The following CLHC1 variants were observed in gnomAD, a reference collection of about 807,000 sequenced individuals.
CLHC1 encodes the protein clathrin heavy chain linker domain containing 1.
Under a neutral mutation model 69.5 loss-of-function variants are expected in CLHC1, and 72 were observed. The observed-to-expected ratio is 1.04, with a 90% CI of 0.86 to 1.26. CLHC1 has a LOEUF of 1.26. Among genes scored for constraint, CLHC1 ranks in the 50% most tolerant of loss-of-function variants. CLHC1 has a pLI of 0.00. For missense variants in CLHC1, 790 were observed against 679.3 expected, an observed-to-expected ratio of 1.16 and a Z score of -1.81; for synonymous variants, 223 against 224.3, an observed-to-expected ratio of 0.99 and a Z score of 0.05.
intron 9 of CLHC1, among the ~76,000 whole-genome samples, chr2:55,200,346 A>G (rs1671834964): frequency 1.3e-5 from 2 of 152,004 alleles, no homozygotes; most frequent in East Asian, 1.9e-4. Context: ...CAGGAATGGA[A>G]AAAGATATTC....
chr2:55,184,102 C>CTTTCTTTTT lies in CLHC1; in HGVS notation c.1007-2359_1007-2358insAAAAAGAAA, dbSNP rs1553343084. ...CCTGTTTTCTCTCTTTTCTTTCTTT[C>CTTTCTTTTT]TTTATTTTTTTTTTTTTTTTCGAGA... On this transcript the variant is annotated intron_variant, in intron 9 of 12. Transcript: ENST00000401408. 9.2e-4 allele frequency among the ~76,000 whole-genome samples: 10 copies of CTTTCTTTTT among 10,886 alleles called. 1 individual carries two copies. The highest frequency in any genetic ancestry group is 1.0e-3 in the Non-Finnish European group (6 of 5,790). The allele number at this position is 10,886 out of a possible 152,430, so 7.1% of individuals were successfully genotyped here.
At chr2:55,219,795 T>C (rs933787028) in intron 3 of CLHC1, among the ~76,000 whole-genome samples, 17 of 152,166 alleles carry the variant, frequency 1.1e-4, no homozygotes, top group Non-Finnish European at 2.2e-4. Context: ...ATGGTTTCCA[T>C]TCCACCTCAG....
At chr2:55,179,547 G>A (rs1669716209) in intron 11 of CLHC1, among the ~76,000 whole-genome samples, 1 of 151,950 alleles carries the variant, frequency 6.6e-6, no homozygotes, top group African/African-American at 2.4e-5. Flanking sequence ...CTTTTTCCTG[G>A]AATAATGTGA....
intron 9 of CLHC1, among the ~76,000 whole-genome samples, chr2:55,183,635 G>A (rs910449342): frequency 2.0e-5 from 3 of 152,140 alleles, no homozygotes; most frequent in African/African-American, 7.2e-5. Context: ...TCAACTCTCA[G>A]ATATACTGTA....
At chr2:55,195,556 C>G (rs1019676019) in intron 9 of CLHC1, among the ~76,000 whole-genome samples, 5 of 152,158 alleles carry the variant, frequency 3.3e-5, no homozygotes, top group Non-Finnish European at 5.9e-5. Context: ...AATCCCAGCA[C>G]TTTCGGAGGC....
rs774796312 is a variant in CLHC1, at chr2:55,212,764, T to C, written c.408A>G (p.Gln136=). The C allele has an allele frequency of 1.9e-6, 3 of 1,601,378 alleles. No individual in the cohort carries two copies. Among genetic ancestry groups the C allele is most frequent in the Non-Finnish European group, 2.6e-6 (3 of 1,168,514 alleles). ...IESNSSKIQS[Q]IDHIKQCRAE... is the part of the protein sequence containing the mutation. ...CCCTACACTGCTTGATGTGATCTAT[T>C]TGAGATTGAATCTTCGAGGAATTAC... Residue 136 remains glutamine, a synonymous_variant, in exon 5 of 13, where the codon CAA becomes CAG. Coordinates refer to ENST00000401408, the MANE Select transcript of CLHC1 (RefSeq NM_152385.4).
intron 4 of CLHC1, among the ~76,000 whole-genome samples, chr2:55,216,317 T>C (rs1673504574): frequency 6.6e-6 from 1 of 151,434 alleles, no homozygotes; most frequent in East Asian, 1.9e-4. Context: ...AAATTATCTA[T>C]AAAAATAATT....
intron 12 of CLHC1, 113 bp downstream of exon 12, chr2:55,177,489 T>C (rs1669503036): frequency 1.6e-6 from 1 of 609,338 alleles, no homozygotes; most frequent in South Asian, 3.5e-5. Flanking sequence ...TAAAGTTAAC[T>C]CTTGCTAAGA....
At chr2:55,198,962 C>T (rs899255776) in intron 9 of CLHC1, among the ~76,000 whole-genome samples, 1 of 152,076 alleles carries the variant, frequency 6.6e-6, no homozygotes, top group Non-Finnish European at 1.5e-5. Flanking sequence ...CCCAGACAAA[C>T]AAGCTGAGGG....
At chr2:55,209,889 A>T in intron 5 of CLHC1, 58 bp from the exon 6 acceptor site, 1 of 1,102,564 alleles carries the variant, frequency 9.1e-7, no homozygotes, top group Non-Finnish European at 1.4e-6. Context: ...GCTTGTGCTC[A>T]AAGAGCAAGT....
chr2:55,181,905 C>T (rs1669974657), intron 9 of CLHC1, among the ~76,000 whole-genome samples, 161 bp from the exon 10 acceptor site: 1 of 152,042 alleles, frequency 6.6e-6, no homozygotes, highest in South Asian at 2.1e-4. Flanking sequence ...TAAACTTTAT[C>T]TAAATGACTA....
chr2:55,181,050 G>A (rs1235714189), intron 10 of CLHC1, among the ~76,000 whole-genome samples: 5 of 152,144 alleles, frequency 3.3e-5, no homozygotes, highest in Middle Eastern at 3.4e-3. Context: ...GCGCGATCTC[G>A]TCTCACTGAA....
intron 9 of CLHC1, among the ~76,000 whole-genome samples, chr2:55,195,185 A>G (rs956991235): frequency 1.6e-4 from 25 of 151,746 alleles, no homozygotes; most frequent in African/African-American, 5.8e-4. Flanking sequence ...ACATTTCCCT[A>G]TTTCCCCCAC....
chr2:55,217,524 A>C (rs1319057383), intron 4 of CLHC1, among the ~76,000 whole-genome samples: 3 of 36,496 alleles, frequency 8.2e-5, no homozygotes, highest in African/African-American at 3.6e-4. Context: ...ACCCTGTCTC[A>C]AAAAAAAAAA....
At chr2:55,221,125 A>T (rs1461932187) in intron 3 of CLHC1, among the ~76,000 whole-genome samples, 1 of 152,210 alleles carries the variant, frequency 6.6e-6, no homozygotes, top group African/African-American at 2.4e-5. Context: ...TGTAATGTTT[A>T]AAAATTAAAA....
At chr2:55,215,790 G>A (rs751332209) in intron 4 of CLHC1, among the ~76,000 whole-genome samples, 1 of 152,070 alleles carries the variant, frequency 6.6e-6, no homozygotes, top group South Asian at 2.1e-4. Flanking sequence ...AGCAGTTTTA[G>A]TGCTCCACTT....
At chr2:55,208,975 A>G (rs989490781) in intron 7 of CLHC1, among the ~76,000 whole-genome samples, 4 of 144,210 alleles carry the variant, frequency 2.8e-5, no homozygotes, top group African/African-American at 1.0e-4. Flanking sequence ...GGTTCACACC[A>G]TTCTCCTGCC....
chr2:55,176,442 C>T (rs574969390), intron 12 of CLHC1, among the ~76,000 whole-genome samples: 4 of 152,290 alleles, frequency 2.6e-5, no homozygotes, highest in African/African-American at 7.2e-5. Flanking sequence ...GGAGCTAACC[C>T]AAGGACTGAA....
At chr2:55,208,136 G>A (rs1032574187) in intron 8 of CLHC1, among the ~76,000 whole-genome samples, 16 of 152,298 alleles carry the variant, frequency 1.1e-4, no homozygotes, top group African/African-American at 3.8e-4. Flanking sequence ...TGATAGCTAG[G>A]AAATGTAAGA....
Sources: allele counts gnomAD v4.1 joint callset (sites outside exome capture counted in the v4.1 genomes callset), GRCh38; gene constraint gnomAD v4.1.1; transcripts MANE v1.5; gene names NCBI Gene and HGNC (gene_info 2026-07-23, HGNC 2026-07-21).